PRKCZ: variants seen among roughly 807,000 people sequenced by gnomAD.
PRKCZ encodes protein kinase C zeta type.
In PRKCZ, 33 loss-of-function variants were observed where a neutral mutation model predicts 79.5. That is an observed-to-expected ratio of 0.41 (90% CI 0.31 to 0.55). The LOEUF (loss-of-function observed/expected upper bound fraction) is 0.55, where lower values mean the gene tolerates loss of function less well. PRKCZ is among the 20% of genes least tolerant of loss of function. The probability of loss-of-function intolerance (pLI) is 0.19; values close to 1 mark genes in which losing one functional copy is unlikely to be tolerated. For synonymous variants in PRKCZ, 342 were observed against 320.9 expected, an observed-to-expected ratio of 1.07 and a Z score of -0.70; for missense variants, 578 against 813.5, an observed-to-expected ratio of 0.71 and a Z score of 3.52.
chr1:2,074,610 C>T (rs1662049845), intron 4 of PRKCZ: 2 of 459,610 alleles, frequency 4.4e-6, no homozygotes, highest in Non-Finnish European at 7.9e-6. Context: ...AGCCTGCCCT[C>T]CCGCCTGTCT....
At chr1:2,116,292 T>C (rs1391094280) in intron 4 of PRKCZ, 1 of 152,260 alleles carries the variant, frequency 6.6e-6, no homozygotes, top group African/African-American at 2.4e-5. Flanking sequence ...CACTAGGCTG[T>C]GGCCTCGCGA....
intron 5 of PRKCZ, among the ~76,000 whole-genome samples, chr1:2,136,159 C>T (rs1308566721): frequency 6.6e-6 from 1 of 152,208 alleles, no homozygotes; most frequent in Non-Finnish European, 1.5e-5. Flanking sequence ...CCTCTGTCTC[C>T]TGGAGCGGCC....
chr1:2,083,591 G>T (rs563331775), intron 4 of PRKCZ, among the ~76,000 whole-genome samples: 24 of 152,318 alleles, frequency 1.6e-4, no homozygotes, highest in African/African-American at 5.8e-4. Context: ...GCAGAACACG[G>T]TTGAGCCATC....
chr1:2,102,301 C>T (rs956668964), intron 4 of PRKCZ, among the ~76,000 whole-genome samples: 2 of 140,626 alleles, frequency 1.4e-5, no homozygotes, highest in Non-Finnish European at 3.0e-5. Flanking sequence ...GCCTAGTACA[C>T]GTTTTTTATT....
chr1:2,060,328 G>A (rs941963012), intron 4 of PRKCZ, among the ~76,000 whole-genome samples: 7 of 152,252 alleles, frequency 4.6e-5, no homozygotes, highest in African/African-American at 1.4e-4. Context: ...CACACACCTC[G>A]CTGGCCTCAG....
chr1:2,137,401 A>G (rs1338671825), intron 5 of PRKCZ, among the ~76,000 whole-genome samples: 3 of 152,124 alleles, frequency 2.0e-5, no homozygotes, highest in Non-Finnish European at 4.4e-5. Context: ...TCATAGACAC[A>G]CCCAGATGCA....
intron 16 of PRKCZ, chr1:2,181,999 C>T (rs1218853075): frequency 1.3e-5 from 5 of 380,292 alleles, no homozygotes; most frequent in South Asian, 7.6e-5. Flanking sequence ...GTGGCCTGGC[C>T]GTGGATGCTG....
chr1:2,171,862 G>T (rs1355291490), intron 11 of PRKCZ, among the ~76,000 whole-genome samples, 193 bp from the exon 12 acceptor site: 2 of 152,194 alleles, frequency 1.3e-5, no homozygotes, highest in Non-Finnish European at 2.9e-5. Context: ...AGGCGCATGG[G>T]GTGGTGTCCT....
chr1:2,130,904 C>T (rs532849276), intron 4 of PRKCZ, among the ~76,000 whole-genome samples: 37 of 152,236 alleles, frequency 2.4e-4, no homozygotes, highest in Non-Finnish European at 1.9e-4. Flanking sequence ...CCCCTTAAGC[C>T]ACACTCAGTC....
At chr1:2,090,918 G>T (rs921166635) in intron 4 of PRKCZ, among the ~76,000 whole-genome samples, 4 of 152,232 alleles carry the variant, frequency 2.6e-5, no homozygotes, top group African/African-American at 9.7e-5. Context: ...TTGACATTAT[G>T]ATCTAAGCAG....
At chr1:2,161,911 A>C (rs896830753) in intron 10 of PRKCZ, among the ~76,000 whole-genome samples, 3 of 151,912 alleles carry the variant, frequency 2.0e-5, no homozygotes, top group Non-Finnish European at 4.4e-5. Context: ...CTGCTTAACT[A>C]CTAGATAACG....
At chr1:2,089,767 G>A (rs1038402707) in intron 4 of PRKCZ, among the ~76,000 whole-genome samples, 1 of 152,126 alleles carries the variant, frequency 6.6e-6, no homozygotes, top group Non-Finnish European at 1.5e-5. Flanking sequence ...CACAGATGGC[G>A]GCTCACACGG....
intron 4 of PRKCZ, among the ~76,000 whole-genome samples, chr1:2,107,372 C>G (rs779494624): frequency 3.9e-5 from 6 of 152,254 alleles, no homozygotes; most frequent in Admixed American, 2.6e-4. Context: ...TCCTGAGACC[C>G]CTCAGTGGAT....
At chr1:2,107,915 G>GGT (rs1668897807) in intron 4 of PRKCZ, among the ~76,000 whole-genome samples, 1 of 148,294 alleles carries the variant, frequency 6.7e-6, no homozygotes, top group Admixed American at 6.7e-5. Flanking sequence ...GCAGTGTCGG[G>GGT]AGCCCCCCAA....
chr1:2,079,882 C>G (rs867054331), intron 4 of PRKCZ, among the ~76,000 whole-genome samples: 2 of 152,186 alleles, frequency 1.3e-5, no homozygotes, highest in African/African-American at 4.8e-5. Flanking sequence ...AGGGGAGTGT[C>G]CTGCCTGGGA....
rs1663675781 is a variant in PRKCZ at position 2,082,230 on chromosome 1, C to T, written c.334+22639C>T. On this transcript the variant is annotated intron_variant, in intron 4 of 17. Transcript: ENST00000378567. This position sits in a 1 kb window ranked among gnomAD's most constrained non-coding sequence, Gnocchi z 4.4. ...TCCCGCCTGTTGTGTGCGCCTTTTCCCTGCTCCAGGGCTGTGTATTTGGCA... is the reference window on the plus strand; with the variant it reads ...TCCCGCCTGTTGTGTGCGCCTTTTCTCTGCTCCAGGGCTGTGTATTTGGCA... 1 of 370,356 alleles carries T rather than the reference C, an allele frequency of 2.7e-6. No individual in the cohort carries two copies. Among genetic ancestry groups the T allele is most frequent in the African/African-American group, 2.1e-5 (1 of 47,102 alleles). 22.9% of individuals were successfully genotyped at this position (370,356 alleles called of 1,614,324 possible). A position where few individuals can be genotyped will look rare whatever the true frequency, so the allele number is the denominator to read the frequency against.
At chr1:2,110,006 G>A (rs574511026) in intron 4 of PRKCZ, among the ~76,000 whole-genome samples, 1 of 152,350 alleles carries the variant, frequency 6.6e-6, no homozygotes, top group East Asian at 1.9e-4. Flanking sequence ...GAGCCGGCCA[G>A]CATGGGCCAT....
chr1:2,096,463 C>T (rs1301262801), intron 4 of PRKCZ, among the ~76,000 whole-genome samples: 2 of 152,026 alleles, frequency 1.3e-5, no homozygotes, highest in African/African-American at 4.8e-5. Context: ...GCCAGGAACG[C>T]GGTTGTACGG....
chr1:2,067,617 A>G (rs542608487), intron 4 of PRKCZ, among the ~76,000 whole-genome samples: 1 of 152,170 alleles, frequency 6.6e-6, no homozygotes, highest in East Asian at 1.9e-4. Context: ...CGGGCTGCCC[A>G]GGGCCCATGA....
Sources: gnomAD v4.1 joint callset for allele counts (sites outside exome capture counted in the v4.1 genomes callset) on GRCh38, gnomAD v4.1.1 for gene constraint, Gnocchi (gnomAD v3.1) non-coding constraint, MANE v1.5 for transcripts, NCBI Gene and HGNC (gene_info 2026-07-23, HGNC 2026-07-21) for gene names.